SGK1: variants seen among roughly 807,000 people sequenced by gnomAD.
The protein encoded by SGK1 is serum/glucocorticoid regulated kinase 1, also known as serine/threonine-protein kinase Sgk1.
In SGK1, 26 loss-of-function variants were observed where a neutral mutation model predicts 64.2. That is an observed-to-expected ratio of 0.40 (90% CI 0.30 to 0.56). SGK1 has a LOEUF of 0.56. SGK1 is among the 20% of genes least tolerant of loss of function. The probability of loss-of-function intolerance (pLI) is 0.38; values close to 1 mark genes in which losing one functional copy is unlikely to be tolerated. For missense variants in SGK1, 519 were observed against 645.6 expected (o/e 0.80, Z 2.12); for synonymous variants, 265 against 239.7 (o/e 1.11, Z -0.98).
chr6:134,259,747 A>C lies in SGK1; in HGVS notation c.285+2186T>G, dbSNP rs1776735756. 2 of 152,332 alleles carry C rather than the reference A, an allele frequency of 1.3e-5. 1 individual carries two copies. The highest frequency in any genetic ancestry group is 4.1e-4 in the South Asian group (2 of 4,822). The allele number at this position is 152,332 out of a possible 1,614,324, so 9.4% of individuals were successfully genotyped here. ...TATTTACTATCTGGCCGTTTAGATAAAAAGTTGACTCTATCCCTTGCATCA... is the reference window on the plus strand; with the variant it reads ...TATTTACTATCTGGCCGTTTAGATACAAAGTTGACTCTATCCCTTGCATCA... On this transcript the variant is annotated intron_variant, in intron 2 of 13. Transcript: ENST00000367858.
chr6:134,213,377 C>T (rs923710102), intron 2 of SGK1, among the ~76,000 whole-genome samples: 4 of 151,772 alleles, frequency 2.6e-5, no homozygotes, highest in Non-Finnish European at 4.4e-5. Flanking sequence ...CAAAATTAGC[C>T]GGGTGTGGTG....
chr6:134,296,776 C>CAAAA (rs869144600), intron 1 of SGK1, among the ~76,000 whole-genome samples: 5 of 66,716 alleles, frequency 7.5e-5, no homozygotes, highest in East Asian at 4.0e-4. Context: ...TATTTTGGAC[C>CAAAA]AAAAAAAAAA....
At chr6:134,267,729 A>G (rs1313251965) in intron 1 of SGK1, among the ~76,000 whole-genome samples, 1 of 152,192 alleles carries the variant, frequency 6.6e-6, no homozygotes, top group East Asian at 1.9e-4. Flanking sequence ...GAGCCAGGAT[A>G]CTATCGGATA....
intron 1 of SGK1, among the ~76,000 whole-genome samples, chr6:134,264,182 C>T (rs988698411): frequency 6.6e-6 from 1 of 150,850 alleles, no homozygotes; most frequent in Non-Finnish European, 1.5e-5. Flanking sequence ...TACAGTGGCG[C>T]GATCTCAGCT....
intron 2 of SGK1, among the ~76,000 whole-genome samples, chr6:134,242,029 G>A (rs1262502537): frequency 1.3e-5 from 2 of 152,154 alleles, no homozygotes; most frequent in African/African-American, 4.8e-5. Context: ...GAGTCCCAGA[G>A]GAAAGGGAGA....
chr6:134,266,144 C>T (rs560881910), intron 1 of SGK1, among the ~76,000 whole-genome samples: 3 of 151,758 alleles, frequency 2.0e-5, no homozygotes, highest in East Asian at 2.0e-4. Context: ...GCCCCCACGC[C>T]CAGCTAATTT....
intron 1 of SGK1, among the ~76,000 whole-genome samples, chr6:134,282,841 C>A (rs781264578): frequency 2.6e-5 from 4 of 151,558 alleles, no homozygotes; most frequent in Non-Finnish European, 5.9e-5. Flanking sequence ...GCTGCATGAG[C>A]CAATTCATTG....
At chr6:134,248,155 A>T (rs569774861) in intron 2 of SGK1, among the ~76,000 whole-genome samples, 41 of 152,186 alleles carry the variant, frequency 2.7e-4, no homozygotes, top group African/African-American at 9.9e-4. Flanking sequence ...GGGTCTGATT[A>T]GTGTAGTTGA....
chr6:134,315,126 AAAAC>A (rs1050799004), intron 1 of SGK1, among the ~76,000 whole-genome samples: 13 of 152,310 alleles, frequency 8.5e-5, no homozygotes, highest in South Asian at 2.1e-4. Context: ...TGTTTAACTA[AAAAC>A]AAACAAACAA....
chr6:134,200,869 A>G (rs1178716499), intron 3 of SGK1, among the ~76,000 whole-genome samples: 1 of 151,964 alleles, frequency 6.6e-6, no homozygotes, highest in Non-Finnish European at 1.5e-5. Context: ...ATGCCACTGC[A>G]CTCCAGCCTG....
At position 134,201,051 on chromosome 6, in the gene SGK1, C is replaced by CT. The variant is rs1156740737; in HGVS notation, c.361+6304dup. Among the ~76,000 whole-genome samples the CT allele has an allele frequency of 2.7e-5, 4 of 147,146 alleles. No homozygotes were observed. In the Admixed American group the frequency reaches 2.8e-4, roughly 10 times the overall value. On this transcript the variant is annotated intron_variant, in intron 3 of 13. Coordinates refer to ENST00000367858, the MANE Select transcript of SGK1 (RefSeq NM_001143676.3). ...AACATTGTCATTTTTTGTATTATTTCTTTTTCTTTTCTTCTTTTTTTTTTT... is the reference window on the plus strand; with the variant it reads ...AACATTGTCATTTTTTGTATTATTTCTTTTTTCTTTTCTTCTTTTTTTTTTT...
chr6:134,194,560 C>G (rs971552797), intron 3 of SGK1, among the ~76,000 whole-genome samples: 1 of 151,030 alleles, frequency 6.6e-6, no homozygotes, highest in Non-Finnish European at 1.5e-5. Context: ...GCTCCGTTAC[C>G]CAGGCTGGAG....
rs1434988912 is a variant in SGK1 at position 134,260,371 on chromosome 6, C to CCCA, written c.285+1559_285+1561dup. On this transcript the variant is annotated intron_variant, in intron 2 of 13. Coordinates refer to ENST00000367858, the MANE Select transcript of SGK1 (RefSeq NM_001143676.3). ...TCCCCCTGTCTCCCTGTCCCCGACCCCCACCCCCCCCAAAAAAAGGGCCGG... is the reference window on the plus strand; with the variant it reads ...TCCCCCTGTCTCCCTGTCCCCGACCCCCACCACCCCCCCCAAAAAAAGGGCCGG... The CCCA allele has an allele frequency of 5.4e-4, 55 of 101,068 alleles. 1 individual carries two copies. The highest frequency in any genetic ancestry group is 1.7e-3 in the African/African-American group (52 of 29,836). 6.3% of individuals were successfully genotyped at this position (101,068 alleles called of 1,614,324 possible).
chr6:134,254,930 G>T (rs1630191), intron 2 of SGK1, among the ~76,000 whole-genome samples: 1 of 151,688 alleles, frequency 6.6e-6, no homozygotes, highest in African/African-American at 2.4e-5. Context: ...GTGCAGTGGC[G>T]CCATCTCGGC....
intron 1 of SGK1, chr6:134,297,620 A>G (rs894741183): frequency 2.0e-5 from 9 of 448,110 alleles, no homozygotes; most frequent in Admixed American, 5.9e-5. Flanking sequence ...CTCCTGCCTC[A>G]GTCTCCTGAG....
intron 2 of SGK1, chr6:134,214,875 G>A (rs1381675043): frequency 2.0e-5 from 6 of 304,788 alleles, no homozygotes; most frequent in Non-Finnish European, 3.9e-5. Flanking sequence ...AGTCCTAGGA[G>A]GTAGAAAGAG....
At chr6:134,210,496 A>G (rs1358206562) in intron 2 of SGK1, among the ~76,000 whole-genome samples, 2 of 152,124 alleles carry the variant, frequency 1.3e-5, no homozygotes, top group African/African-American at 4.8e-5. Context: ...GCTGTACAAC[A>G]TGGTGCCTAG....
intron 1 of SGK1, among the ~76,000 whole-genome samples, chr6:134,304,455 C>A (rs868626691): frequency 3.3e-5 from 5 of 152,062 alleles, no homozygotes; most frequent in African/African-American, 1.2e-4. Context: ...AGTTTGAGAC[C>A]AGCAAGGCCA....
At chr6:134,226,339 C>T (rs865821581) in intron 2 of SGK1, among the ~76,000 whole-genome samples, 3 of 148,890 alleles carry the variant, frequency 2.0e-5, no homozygotes, top group Non-Finnish European at 4.5e-5. Flanking sequence ...ATCCTGCCCC[C>T]CCTCATCCAA....
Sources: allele counts gnomAD v4.1 joint callset (sites outside exome capture counted in the v4.1 genomes callset), GRCh38; gene constraint gnomAD v4.1.1; transcripts MANE v1.5; gene names NCBI Gene and HGNC (gene_info 2026-07-23, HGNC 2026-07-21).